NAV2: variants seen among roughly 807,000 people sequenced by gnomAD.
NAV2 encodes the protein helicase, APC down-regulated 1.
A neutral mutation model predicts 223.2 loss-of-function variants in NAV2; 54 were observed. The ratio of observed to expected loss-of-function variants is 0.24; its 90% CI spans 0.19 to 0.30. The LOEUF is 0.30. Among genes scored for constraint, NAV2 ranks in the 10% least tolerant of loss-of-function variants. NAV2 has a pLI of 1.00. For synonymous variants in NAV2, 1,279 were observed against 1,239.3 expected (o/e 1.03, Z -0.67); for missense variants, 2,806 against 3,147.5 (o/e 0.89, Z 2.60).
At chr11:19,884,358 T>G (rs767080323) in intron 5 of NAV2, 1 of 1,613,334 alleles carries the variant, frequency 6.2e-7, no homozygotes, top group South Asian at 1.1e-5. Flanking sequence ...GAAAAAGATC[T>G]CTAGGTTAGA....
chr11:19,897,797 A>G (rs2042106547), intron 6 of NAV2, among the ~76,000 whole-genome samples: 1 of 151,184 alleles, frequency 6.6e-6, no homozygotes, highest in South Asian at 2.1e-4. Flanking sequence ...TTGTTGTATC[A>G]TCATTGCCAT....
intron 1 of NAV2, among the ~76,000 whole-genome samples, chr11:19,639,046 A>G (rs1434880672): frequency 1.3e-5 from 2 of 152,224 alleles, no homozygotes; most frequent in Non-Finnish European, 2.9e-5. Context: ...CTTGTGCAGA[A>G]TAGAATTGAC....
intron 1 of NAV2, among the ~76,000 whole-genome samples, chr11:19,405,679 C>T (rs1350514409): frequency 5.9e-5 from 9 of 152,244 alleles, no homozygotes; most frequent in Admixed American, 5.9e-4. Context: ...CACTTCCTGA[C>T]TTTTACATTG....
At chr11:19,660,087 C>T (rs976203561) in intron 1 of NAV2, among the ~76,000 whole-genome samples, 3 of 152,098 alleles carry the variant, frequency 2.0e-5, no homozygotes, top group African/African-American at 7.2e-5. Flanking sequence ...GAGGAGTACC[C>T]CAGGCATCCT....
In NAV2 at chr11:20,118,396, C is replaced by T. The variant is rs2153732940; in HGVS notation, c.*138C>T. 9.7e-7 allele frequency: 1 copy of T among 1,034,230 alleles called. No individual in the cohort carries two copies. Among genetic ancestry groups the T allele is most frequent in the Non-Finnish European group, 1.4e-6 (1 of 706,678 alleles). The allele number at this position is 1,034,230 out of a possible 1,614,324, so 64.1% of individuals were successfully genotyped here. A position where few individuals can be genotyped will look rare whatever the true frequency, so the allele number is the denominator to read the frequency against. On this transcript the variant is annotated 3_prime_UTR_variant, in exon 38 of 38. Transcript: ENST00000349880. ...TGCGGGAACACCGAGACCCCCCGTC[C>T]TTCAGCCTCGACCTGGGTGCAGGCA...
Position 20,118,117 on chromosome 11 carries a change from T to G in NAV2, c.7165-16T>G, listed in dbSNP as rs2063284793. On this transcript the variant is annotated splice_polypyrimidine_tract_variant and intron_variant, in intron 37 of 37. Coordinates refer to ENST00000349880, the MANE Select transcript of NAV2 (RefSeq NM_145117.5). ...CTAGACAGAAAGCAGCTCATGCTTC[T>G]CCACTCTTCCCCTAGATGAACATGC... 6.3e-7 allele frequency: 1 copy of G among 1,580,910 alleles called. No individual in the cohort carries two copies. Among genetic ancestry groups the G allele is most frequent in the Admixed American group, 1.7e-5 (1 of 59,080 alleles).
intron 1 of NAV2, among the ~76,000 whole-genome samples, chr11:19,676,603 C>G (rs990819352): frequency 7.2e-5 from 11 of 152,316 alleles, no homozygotes; most frequent in East Asian, 3.9e-4. Flanking sequence ...TGGGACACAG[C>G]CTTTGTTATT....
chr11:19,447,526 G>A (rs1851628995), intron 1 of NAV2, among the ~76,000 whole-genome samples: 2 of 152,240 alleles, frequency 1.3e-5, no homozygotes, highest in Non-Finnish European at 1.5e-5. Context: ...CCACCTCACA[G>A]AGGTTTGGGG....
intron 1 of NAV2, among the ~76,000 whole-genome samples, chr11:19,479,663 A>G (rs543010707): frequency 1.4e-4 from 21 of 152,286 alleles, no homozygotes; most frequent in African/African-American, 5.1e-4. Context: ...TATATTAGCT[A>G]ATTAATTAAT....
intron 1 of NAV2, among the ~76,000 whole-genome samples, chr11:19,529,472 T>C (rs1156388456): frequency 5.9e-5 from 9 of 152,248 alleles, no homozygotes; most frequent in Admixed American, 5.2e-4. Flanking sequence ...ACAGTGTCAG[T>C]TGAGACCCGC....
rs373558916 is a variant in NAV2 at position 19,713,774 on chromosome 11, G to T, written c.79G>T (p.Val27Leu). Residue 27 changes from valine (V) to leucine (L), a missense_variant, in exon 1 of 38, where the codon GTG becomes TTG. Physicochemically the swap from Val to Leu is conservative, Grantham distance 32. This residue lies in a region of NAV2 where 1,167 missense variants were observed against 1,180.5 expected (regional missense o/e 0.99). Coordinates refer to ENST00000349880, the MANE Select transcript of NAV2 (RefSeq NM_145117.5). This position sits in a 1 kb window ranked among gnomAD's most constrained non-coding sequence, Gnocchi z 7.2. ...GCACAGCGCCGCGCCCATCCTGCAC[G>T]TGCCCCCGGCCCGGGCGGGCCCCCA... Reference protein sequence around the residue: ...PVHSAAPILHVPPARAGPQPC... With the variant: ...PVHSAAPILHLPPARAGPQPC... 9.2e-5 allele frequency: 149 copies of T among 1,612,896 alleles called. No homozygotes were observed. The highest frequency in any genetic ancestry group is 5.0e-4 in the Middle Eastern group (3 of 6,030).
chr11:19,615,488 G>A (rs112049542), intron 1 of NAV2, among the ~76,000 whole-genome samples: 1 of 151,700 alleles, frequency 6.6e-6, no homozygotes, highest in African/African-American at 2.4e-5. Flanking sequence ...TACTAAAAAT[G>A]CATTTCGTAT....
At chr11:20,101,328 GA>G (rs1017830047) in intron 32 of NAV2, among the ~76,000 whole-genome samples, 156 bp downstream of exon 32, 7 of 152,136 alleles carry the variant, frequency 4.6e-5, no homozygotes, top group African/African-American at 1.7e-4. Flanking sequence ...TAGCAGAAAA[GA>G]AGTTCCATCT....
chr11:19,999,866 T>C (rs2052369332), intron 11 of NAV2, among the ~76,000 whole-genome samples: 1 of 152,198 alleles, frequency 6.6e-6, no homozygotes, highest in African/African-American at 2.4e-5. Flanking sequence ...GCAGCAATTT[T>C]TATTTAGTCA....
At chr11:19,531,638 A>C (rs12803842) in intron 1 of NAV2, among the ~76,000 whole-genome samples, 46,556 of 152,072 alleles carry the variant, frequency 0.31, 10,526 homozygotes, top group African/African-American at 0.65. Flanking sequence ...ACAGGGGAGA[A>C]TGAAAGGTTG....
At chr11:20,116,881 AT>A (rs2063144101) in intron 37 of NAV2, among the ~76,000 whole-genome samples, 1 of 152,184 alleles carries the variant, frequency 6.6e-6, no homozygotes, top group Non-Finnish European at 1.5e-5. Flanking sequence ...TGAAAACAGA[AT>A]TTACTTGCTT....
At chr11:19,765,095 G>C (rs538069078) in intron 1 of NAV2, among the ~76,000 whole-genome samples, 1 of 152,120 alleles carries the variant, frequency 6.6e-6, no homozygotes, top group Non-Finnish European at 1.5e-5. Context: ...TGTAGCCAGT[G>C]TATAGGCATT....
chr11:20,078,889 G>T (rs184936749), intron 24 of NAV2, among the ~76,000 whole-genome samples: 113 of 152,304 alleles, frequency 7.4e-4, no homozygotes, highest in East Asian at 5.8e-4. Context: ...GGAGAGCTAG[G>T]ATTTATGGAA....
intron 7 of NAV2, among the ~76,000 whole-genome samples, chr11:19,936,856 G>A (rs2045951478): frequency 6.6e-6 from 1 of 152,082 alleles, no homozygotes; most frequent in Admixed American, 6.5e-5. Context: ...ACCAGGTGTA[G>A]GCTGGGCATG....
Sources: gnomAD v4.1 joint callset for allele counts (sites outside exome capture counted in the v4.1 genomes callset) on GRCh38, gnomAD v4.1.1 for gene constraint, gnomAD v4.1.1 regional missense constraint, Gnocchi (gnomAD v3.1) non-coding constraint, MANE v1.5 for transcripts, NCBI Gene and HGNC (gene_info 2026-07-23, HGNC 2026-07-21) for gene names.